The following RPS6KA3 variants were observed in gnomAD, a reference collection of about 807,000 sequenced individuals.
The protein encoded by RPS6KA3 is ribosomal protein S6 kinase A3.
In RPS6KA3, 4 loss-of-function variants were observed where a neutral mutation model predicts 67.2. That is an observed-to-expected ratio of 0.06 (90% CI 0.03 to 0.14). The LOEUF is 0.14. RPS6KA3 is among the 10% of genes least tolerant of loss of function. RPS6KA3 has a pLI of 1.00. For synonymous variants in RPS6KA3, 182 were observed against 183.7 expected (o/e 0.99, Z 0.07); for missense variants, 204 against 559.0 (o/e 0.36, Z 6.40).
chrX:20,193,374 A>C, intron 7 of RPS6KA3, 113 bp downstream of exon 7: 1 of 480,484 alleles, frequency 2.1e-6, no homozygotes, highest in South Asian at 3.2e-5. Flanking sequence ...AGAGATGTGA[A>C]GCACAGGCAC....
intron 1 of RPS6KA3, among the ~76,000 whole-genome samples, chrX:20,235,141 G>A (rs1317437408): frequency 3.6e-5 from 4 of 111,402 alleles, no homozygotes; most frequent in Admixed American, 9.6e-5. Context: ...TTACAACAGT[G>A]TATGGCAAAA....
At chrX:20,214,231 G>T (rs1323288444) in intron 2 of RPS6KA3, among the ~76,000 whole-genome samples, 1 of 108,588 alleles carries the variant, frequency 9.2e-6, no homozygotes, top group Non-Finnish European at 1.9e-5. Flanking sequence ...CTATCATCTT[G>T]GGATAGGTCT....
chrX:20,180,480 C>T (rs2067816447), intron 10 of RPS6KA3, among the ~76,000 whole-genome samples: 1 of 112,180 alleles, frequency 8.9e-6, no homozygotes, highest in African/African-American at 3.2e-5. Flanking sequence ...GGTTTTAAAT[C>T]CTTTCAGTTG....
intron 1 of RPS6KA3, among the ~76,000 whole-genome samples, chrX:20,264,651 A>G (rs1411253386): frequency 9.1e-6 from 1 of 109,792 alleles, no homozygotes; most frequent in Non-Finnish European, 1.9e-5. Flanking sequence ...TGCTAAATAA[A>G]TATGTTTTGT....
intron 15 of RPS6KA3, among the ~76,000 whole-genome samples, chrX:20,170,048 A>G (rs1054890557): frequency 5.3e-5 from 6 of 112,488 alleles, no homozygotes; most frequent in Non-Finnish European, 1.1e-4. Flanking sequence ...GTTAGGCAGA[A>G]AGCTACATAG....
intron 2 of RPS6KA3, among the ~76,000 whole-genome samples, chrX:20,224,983 GTTAAA>G (rs1178600082): frequency 9.0e-6 from 1 of 111,392 alleles, no homozygotes; most frequent in African/African-American, 3.3e-5. Flanking sequence ...GTCTAAAATA[GTTAAA>G]TTAAAATACT....
At chrX:20,199,149 C>T (rs1179718860) in intron 4 of RPS6KA3, among the ~76,000 whole-genome samples, 6 of 111,737 alleles carry the variant, frequency 5.4e-5, no homozygotes, top group Non-Finnish European at 1.1e-4. Context: ...GGATTACAGG[C>T]GTGAGCCACC....
At chrX:20,175,752 T>C (rs1360675118) in intron 13 of RPS6KA3, among the ~76,000 whole-genome samples, 1 of 111,925 alleles carries the variant, frequency 8.9e-6, no homozygotes, top group Non-Finnish European at 1.9e-5. Flanking sequence ...CTGGCTACCA[T>C]ATTAGAAACT....
intron 6 of RPS6KA3, 42 bp from the exon 7 acceptor site, chrX:20,193,635 G>T: frequency 2.3e-6 from 2 of 880,924 alleles, no homozygotes; most frequent in Non-Finnish European, 3.2e-6. Context: ...TTTTCTTTTT[G>T]TGTCTGTAAT....
At position 20,152,895 on chromosome X, in the gene RPS6KA3, A is replaced by T. The variant is rs1487573681; in HGVS notation, c.*2503T>A. ...CAAGAAATATGTAGTTTTTGAACTC[A>T]GCTACTGGTTGGTGATCATATGAGG... On this transcript the variant is annotated 3_prime_UTR_variant, in exon 22 of 22. Transcript: ENST00000379565. 1 of 111,780 alleles carries T rather than the reference A, an allele frequency of 8.9e-6. No individual in the cohort carries two copies. Among genetic ancestry groups the T allele is most frequent in the Admixed American group, 9.5e-5 (1 of 10,472 alleles). 9.2% of individuals were successfully genotyped at this position (111,780 alleles called of 1,213,427 possible). A position where few individuals can be genotyped will look rare whatever the true frequency, so the allele number is the denominator to read the frequency against.
In RPS6KA3 at chrX:20,152,776, T is replaced by C. The variant is rs1385867317; in HGVS notation, c.*2622A>G. On this transcript the variant is annotated 3_prime_UTR_variant, in exon 22 of 22. Coordinates refer to ENST00000379565, the MANE Select transcript of RPS6KA3 (RefSeq NM_004586.3). ...CCATTTTGTGAACATATAACTTGCT[T>C]TTCTCCAATAAAATTGGCTGCTTGG... is the stretch of plus-strand genomic sequence containing the variant. 2 of 112,271 alleles carry C rather than the reference T, an allele frequency of 1.8e-5. No homozygotes were observed. 9.3% of individuals were successfully genotyped at this position (112,271 alleles called of 1,213,427 possible).
chrX:20,187,516 T>G (rs140257779), intron 9 of RPS6KA3, among the ~76,000 whole-genome samples: 1,655 of 111,919 alleles, frequency 0.015, 30 homozygotes, highest in African/African-American at 0.05. Context: ...ACGAACTTAT[T>G]TTAAGGGTCA....
At position 20,154,257 on chromosome X, in the gene RPS6KA3, A is replaced by G. The variant is rs763529024; in HGVS notation, c.*1141T>C. 7.1e-5 allele frequency: 8 copies of G among 112,770 alleles called. No individual in the cohort carries two copies. The highest frequency in any genetic ancestry group is 3.7e-4 in the Admixed American group (4 of 10,687). The allele number at this position is 112,770 out of a possible 1,213,427, so 9.3% of individuals were successfully genotyped here. A position where few individuals can be genotyped will look rare whatever the true frequency, so the allele number is the denominator to read the frequency against. Reference sequence around the variant, plus strand: ...CCTATAATTTTAGGTTAGAACAGATACTGTTTGATCAATAATGTTTTATTC... The same window carrying G: ...CCTATAATTTTAGGTTAGAACAGATGCTGTTTGATCAATAATGTTTTATTC... On this transcript the variant is annotated 3_prime_UTR_variant, in exon 22 of 22. Transcript: ENST00000379565.
chrX:20,171,668 T>C (rs1165589824), intron 15 of RPS6KA3, among the ~76,000 whole-genome samples: 1 of 111,720 alleles, frequency 9.0e-6, no homozygotes. Flanking sequence ...TTTGAGGTTT[T>C]AGGCATAGTC....
intron 17 of RPS6KA3, among the ~76,000 whole-genome samples, chrX:20,166,006 T>G (rs1362676584): frequency 8.9e-6 from 1 of 112,144 alleles, no homozygotes; most frequent in Non-Finnish European, 1.9e-5. Context: ...TAACAATGAC[T>G]AATAATAAAT....
intron 19 of RPS6KA3, 133 bp downstream of exon 19, chrX:20,162,831 A>G: frequency 1.9e-6 from 1 of 535,492 alleles, no homozygotes; most frequent in Non-Finnish European, 3.4e-6. Context: ...TGGGCAACAG[A>G]GTGAGACCCT....
intron 10 of RPS6KA3, among the ~76,000 whole-genome samples, chrX:20,183,381 T>C (rs1420991606): frequency 1.8e-5 from 2 of 110,397 alleles, no homozygotes; most frequent in Non-Finnish European, 3.8e-5. Flanking sequence ...ATAATTTTTA[T>C]ATTCTTTAAC....
At chrX:20,216,140 T>C (rs1164199253) in intron 2 of RPS6KA3, among the ~76,000 whole-genome samples, 2 of 112,219 alleles carry the variant, frequency 1.8e-5, no homozygotes, top group Non-Finnish European at 3.8e-5. Context: ...AAACTTACTT[T>C]GTGCATTTAA....
chrX:20,219,811 T>C (rs150090449), intron 2 of RPS6KA3, among the ~76,000 whole-genome samples: 8,614 of 111,744 alleles, frequency 0.077, 833 homozygotes, highest in African/African-American at 0.27. Flanking sequence ...TAGTGGTATT[T>C]AAAACAACCG....
Sources: allele counts gnomAD v4.1 joint callset (sites outside exome capture counted in the v4.1 genomes callset), GRCh38; gene constraint gnomAD v4.1.1; transcripts MANE v1.5; gene names NCBI Gene and HGNC (gene_info 2026-07-23, HGNC 2026-07-21).